Variants in PCDHGC5 observed in about 807,000 individuals in gnomAD.
PCDHGC5 encodes the protein protocadherin gamma subfamily C, 5.
Under a neutral mutation model 59.0 loss-of-function variants are expected in PCDHGC5, and 25 were observed. That is an observed-to-expected ratio of 0.42 (90% CI 0.31 to 0.59). The LOEUF (loss-of-function observed/expected upper bound fraction) is 0.59. PCDHGC5 is among the 20% of genes least tolerant of loss of function. The pLI, the probability that PCDHGC5 is intolerant of heterozygous loss-of-function variation, is 0.13. For missense variants in PCDHGC5, 1,067 were observed against 1,206.4 expected (o/e 0.88, Z 1.71); for synonymous variants, 434 against 505.5 (o/e 0.86, Z 1.90).
intron 2 of PCDHGC5, among the ~76,000 whole-genome samples, chr5:141,502,478 A>G (rs2099814452): frequency 6.6e-6 from 1 of 150,896 alleles, no homozygotes; most frequent in Non-Finnish European, 1.5e-5. Flanking sequence ...CCGCAGCATC[A>G]CACTGGGACT....
chr5:141,492,998 C>A (rs2154589328), intron 1 of PCDHGC5, among the ~76,000 whole-genome samples: 1 of 152,334 alleles, frequency 6.6e-6, no homozygotes, highest in Admixed American at 6.5e-5. Flanking sequence ...AGATGGAAAG[C>A]TATAGGCTCT....
chr5:141,511,453 T>G lies in PCDHGC5; in HGVS notation c.*280T>G. 1.7e-6 allele frequency: 1 copy of G among 595,822 alleles called. No individual in the cohort carries two copies. Among genetic ancestry groups the G allele is most frequent in the Non-Finnish European group, 2.8e-6 (1 of 360,062 alleles). 36.9% of individuals were successfully genotyped at this position (595,822 alleles called of 1,614,324 possible). ...GGTTACTGTAGACACCAAGAACCATTTGCCACACCCCGTTTAGTTACAGCT... is the reference window on the plus strand; with the variant it reads ...GGTTACTGTAGACACCAAGAACCATGTGCCACACCCCGTTTAGTTACAGCT... On this transcript the variant is annotated 3_prime_UTR_variant, in exon 4 of 4. Transcript: ENST00000252087.
rs1188870363 is a variant in PCDHGC5 at position 141,490,058 on chromosome 5, C to A, written c.818C>A (p.Thr273Asn). 16 of 1,614,230 alleles carry A rather than the reference C, an allele frequency of 9.9e-6. No individual in the cohort carries two copies. In the East Asian group the frequency reaches 3.6e-4, roughly 36 times the overall value. ...RLNATDPDEG[T>N]NGQLDYSFGD... The stretch of plus-strand genomic sequence containing the variant: ...AATGCCACTGATCCAGACGAGGGCA[C>A]CAACGGCCAACTAGACTATTCTTTT... The change falls in exon 1 of 4, where the codon ACC (threonine) becomes AAC (asparagine). Residue 273 changes from threonine to asparagine, a missense_variant. Coordinates refer to ENST00000252087, the MANE Select transcript of PCDHGC5 (RefSeq NM_018929.3). This position sits in a 1 kb window ranked among gnomAD's most constrained non-coding sequence, Gnocchi z 5.4.
rs191642740 is a variant in PCDHGC5 at position 141,509,833 on chromosome 5, C to T, written c.2609-1114C>T. On this transcript the variant is annotated intron_variant, in intron 3 of 3. Coordinates refer to ENST00000252087, the MANE Select transcript of PCDHGC5 (RefSeq NM_018929.3). ...GAGCTCTTCTCCATCTTCTCTCTAC[C>T]TCCCATTCACTCAGAACAGGGATAA... 2.6e-5 allele frequency among the ~76,000 whole-genome samples: 4 copies of T among 152,300 alleles called. No individual in the cohort carries two copies. The East Asian group carries it at 7.7e-4, about 29-fold the overall frequency.
At chr5:141,498,964 G>A (rs1342764380) in intron 2 of PCDHGC5, among the ~76,000 whole-genome samples, 2 of 127,572 alleles carry the variant, frequency 1.6e-5, no homozygotes, top group Admixed American at 8.7e-5. Context: ...AGAGAGGGAG[G>A]GAGGGAGGGA....
In PCDHGC5 at chr5:141,489,198, C is replaced by G; in HGVS notation, c.-43C>G. 1 of 1,392,402 alleles carries G rather than the reference C, an allele frequency of 7.2e-7. No individual in the cohort carries two copies. Among genetic ancestry groups the G allele is most frequent in the South Asian group, 1.4e-5 (1 of 71,348 alleles). The allele number at this position is 1,392,402 out of a possible 1,614,324, so 86.3% of individuals were successfully genotyped here. A position where few individuals can be genotyped will look rare whatever the true frequency, so the allele number is the denominator to read the frequency against. On this transcript the variant is annotated 5_prime_UTR_variant, in exon 1 of 4. Coordinates refer to ENST00000252087, the MANE Select transcript of PCDHGC5 (RefSeq NM_018929.3). This position sits in a 1 kb window ranked among gnomAD's most constrained non-coding sequence, Gnocchi z 4.5. ...CCAAGCCCTGGGTCTACCTTGGAGA[C>G]AGGACAGCACAGACTTACTCTCCAC...
chr5:141,492,122 C>G (rs2154587050), intron 1 of PCDHGC5, among the ~76,000 whole-genome samples: 1 of 152,328 alleles, frequency 6.6e-6, no homozygotes, highest in Admixed American at 6.5e-5. Context: ...GATTTCTCCC[C>G]AGCTCCCAGC....
Position 141,489,084 on chromosome 5 carries a change from C to T in PCDHGC5, c.-157C>T, listed in dbSNP as rs1232276875. On this transcript the variant is annotated 5_prime_UTR_variant, in exon 1 of 4. Transcript: ENST00000252087. This position sits in a 1 kb window ranked among gnomAD's most constrained non-coding sequence, Gnocchi z 4.5. ...CTCCCCCCTGCCCACCCCCGCCACTCGGTGACTAAGAACTGCTGCAAGCAG... is the reference window on the plus strand; with the variant it reads ...CTCCCCCCTGCCCACCCCCGCCACTTGGTGACTAAGAACTGCTGCAAGCAG... The T allele has an allele frequency of 1.5e-5, 5 of 329,072 alleles. No homozygotes were observed. Among genetic ancestry groups the T allele is most frequent in the South Asian group, 1.3e-4 (2 of 15,846 alleles). The allele number at this position is 329,072 out of a possible 1,614,324, so 20.4% of individuals were successfully genotyped here. A position where few individuals can be genotyped will look rare whatever the true frequency, so the allele number is the denominator to read the frequency against.
rs573088236 is a variant in PCDHGC5, at chr5:141,489,279, G to A, written c.39G>A (p.Trp13Ter). The change falls in exon 1 of 4, where the codon TGG (tryptophan) becomes TGA (stop). Residue 13 changes from tryptophan (W) to a stop codon, truncating the protein, a stop_gained. Coordinates refer to ENST00000252087, the MANE Select transcript of PCDHGC5 (RefSeq NM_018929.3). LOFTEE classifies it high-confidence loss of function. This position sits in a 1 kb window ranked among gnomAD's most constrained non-coding sequence, Gnocchi z 4.5. Reference sequence around the variant, plus strand: ...CACTCCCACAGCTCGCTGGGAAATGGCAAGTGCTGTGCATGTTGTCCTTGT... The same window carrying A: ...CACTCCCACAGCTCGCTGGGAAATGACAAGTGCTGTGCATGTTGTCCTTGT... ...PKTLPQLAGK[W>*]QVLCMLSLCC... The A allele has an allele frequency of 6.4e-7, 1 of 1,562,030 alleles. No individual in the cohort carries two copies. Among genetic ancestry groups the A allele is most frequent in the East Asian group, 2.2e-5 (1 of 44,522 alleles).
At chr5:141,502,552 T>C (rs1217408446) in intron 2 of PCDHGC5, among the ~76,000 whole-genome samples, 1 of 152,146 alleles carries the variant, frequency 6.6e-6, no homozygotes, top group Non-Finnish European at 1.5e-5. Context: ...AAAAACAGTG[T>C]CCCAGATCTC....
chr5:141,505,190 G>A (rs1326515866), intron 2 of PCDHGC5, among the ~76,000 whole-genome samples: 1 of 152,186 alleles, frequency 6.6e-6, no homozygotes, highest in East Asian at 1.9e-4. Flanking sequence ...ATCGGAGGCA[G>A]CAAAGAGCTG....
chr5:141,504,786 C>T (rs568185327), intron 2 of PCDHGC5, among the ~76,000 whole-genome samples: 1 of 152,132 alleles, frequency 6.6e-6, no homozygotes, highest in Non-Finnish European at 1.5e-5. Flanking sequence ...TCTCTTGGGG[C>T]CTCCTACATC....
Position 141,490,602 on chromosome 5 carries a change from C to G in PCDHGC5, c.1362C>G (p.Phe454Leu), listed in dbSNP as rs1249440194. Residue 454 changes from phenylalanine to leucine, a missense_variant, in exon 1 of 4, where the codon TTC becomes TTG. Physicochemically the swap from Phe to Leu is conservative, Grantham distance 22. Transcript: ENST00000252087. This position sits in a 1 kb window ranked among gnomAD's most constrained non-coding sequence, Gnocchi z 5.4. Reference sequence around the variant, plus strand: ...ATGTCAATGACAATGCACCCCGCTTCAACCAGCAGCTTTACACTGCTTACA... The same window carrying G: ...ATGTCAATGACAATGCACCCCGCTTGAACCAGCAGCTTTACACTGCTTACA... Reference protein sequence around the residue: ...ISDVNDNAPRFNQQLYTAYIL... With the variant: ...ISDVNDNAPRLNQQLYTAYIL... The G allele has an allele frequency of 6.2e-7, 1 of 1,614,084 alleles. No individual in the cohort carries two copies. Among genetic ancestry groups the G allele is most frequent in the African/African-American group, 1.3e-5 (1 of 74,930 alleles).
intron 2 of PCDHGC5, among the ~76,000 whole-genome samples, chr5:141,504,402 G>A (rs2099837969): frequency 6.6e-6 from 1 of 152,170 alleles, no homozygotes; most frequent in Admixed American, 6.6e-5. Context: ...AGCCAGTGTG[G>A]TGGAGGAACA....
Position 141,490,051 on chromosome 5 carries a change from G to C in PCDHGC5, c.811G>C (p.Glu271Gln), listed in dbSNP as rs779280988. 1 of 1,614,214 alleles carries C rather than the reference G, an allele frequency of 6.2e-7. No individual in the cohort carries two copies. The highest frequency in any genetic ancestry group is 1.1e-5 in the South Asian group (1 of 91,082). Residue 271 changes from glutamate (E) to glutamine (Q), a missense_variant, in exon 1 of 4, where the codon GAG (glutamate) becomes CAG (glutamine). Physicochemically the swap from Glu to Gln is conservative, Grantham distance 29 (BLOSUM62 2). Coordinates refer to ENST00000252087, the MANE Select transcript of PCDHGC5 (RefSeq NM_018929.3). The surrounding 1 kb of genome is among the most constrained non-coding windows in gnomAD (Gnocchi z 5.4). Reference protein sequence around the residue: ...LLRLNATDPDEGTNGQLDYSF... With the variant: ...LLRLNATDPDQGTNGQLDYSF... Reference sequence around the variant, plus strand: ...CCGCCTCAATGCCACTGATCCAGACGAGGGCACCAACGGCCAACTAGACTA... The same window carrying C: ...CCGCCTCAATGCCACTGATCCAGACCAGGGCACCAACGGCCAACTAGACTA...
intron 3 of PCDHGC5, among the ~76,000 whole-genome samples, chr5:141,506,300 T>G (rs2099852124): frequency 6.6e-6 from 1 of 151,976 alleles, no homozygotes; most frequent in East Asian, 1.9e-4. Flanking sequence ...AATACAAAAA[T>G]TAGCTGGGCA....
At chr5:141,510,589 A>G (rs1043188276) in intron 3 of PCDHGC5, among the ~76,000 whole-genome samples, 2 of 152,194 alleles carry the variant, frequency 1.3e-5, no homozygotes, top group African/African-American at 2.4e-5. Context: ...CGTACCTGAC[A>G]TACATTTTCT....
At position 141,491,187 on chromosome 5, in the gene PCDHGC5, G is replaced by A. The variant is rs2099709293; in HGVS notation, c.1947G>A (p.Arg649=). ...SDTQQVVVLV[R]DNGDPSLSST... ...CCCAGCAGGTGGTGGTCCTGGTGAG[G>A]GACAATGGTGACCCTTCACTCTCCT... The change falls in exon 1 of 4, where the codon AGG becomes AGA. Residue 649 remains arginine, a synonymous_variant. Coordinates refer to ENST00000252087, the MANE Select transcript of PCDHGC5 (RefSeq NM_018929.3). The surrounding 1 kb of genome is among the most constrained non-coding windows in gnomAD (Gnocchi z 6.9). The A allele has an allele frequency of 6.2e-7, 1 of 1,614,064 alleles. No homozygotes were observed. The highest frequency in any genetic ancestry group is 1.1e-5 in the South Asian group (1 of 91,080).
chr5:141,503,960 T>TTC (rs2099834474), intron 2 of PCDHGC5, among the ~76,000 whole-genome samples: 1 of 152,172 alleles, frequency 6.6e-6, no homozygotes, highest in Admixed American at 6.5e-5. Flanking sequence ...CCTACAGCCT[T>TTC]TCCCATGGTG....
Sources: gnomAD v4.1 joint callset for allele counts (sites outside exome capture counted in the v4.1 genomes callset) on GRCh38, gnomAD v4.1.1 for gene constraint, Gnocchi (gnomAD v3.1) non-coding constraint, MANE v1.5 for transcripts, NCBI Gene and HGNC (gene_info 2026-07-23, HGNC 2026-07-21) for gene names.